NOCT: variants seen among roughly 807,000 people sequenced by gnomAD.
The protein encoded by NOCT is nocturnin, also known as CCR4 carbon catabolite repression 4-like.
Under a neutral mutation model 35.0 loss-of-function variants are expected in NOCT, and 18 were observed. The ratio of observed to expected loss-of-function variants is 0.51; its 90% CI spans 0.36 to 0.76. NOCT has a LOEUF of 0.76. Among genes scored for constraint, NOCT ranks in the 30% least tolerant of loss-of-function variants. The probability of loss-of-function intolerance (pLI) is 0.01; values close to 1 mark genes in which losing one functional copy is unlikely to be tolerated. For missense variants in NOCT, 479 were observed against 541.0 expected, an observed-to-expected ratio of 0.89 and a Z score of 1.14; for synonymous variants, 235 against 226.3, an observed-to-expected ratio of 1.04 and a Z score of -0.34.
Position 139,016,074 on chromosome 4 carries a change from G to A in NOCT, c.93G>A (p.Pro31=). ...TGCCCGCCCCAGGGCTGCGCCGCCC[G>A]TTGTCCCCGCCGGCTGCTGTTCCCA... ...RRLPAPGLRR[P]LSPPAAVPRP... Residue 31 remains proline, a synonymous_variant, in exon 1 of 3, where the codon CCG becomes CCA. Transcript: ENST00000280614. 5 of 1,389,404 alleles carry A rather than the reference G, an allele frequency of 3.6e-6. No individual in the cohort carries two copies. Among genetic ancestry groups the A allele is most frequent in the South Asian group, 3.2e-5 (2 of 62,870 alleles). The allele number at this position is 1,389,404 out of a possible 1,614,324, so 86.1% of individuals were successfully genotyped here.
At chr4:139,042,584 G>A (rs537554259) in intron 1 of NOCT, among the ~76,000 whole-genome samples, 1 of 152,146 alleles carries the variant, frequency 6.6e-6, no homozygotes, top group African/African-American at 2.4e-5. Flanking sequence ...CTAGTAGAAA[G>A]CTGGAACCTG....
intron 1 of NOCT, among the ~76,000 whole-genome samples, chr4:139,026,275 G>A (rs1449663937): frequency 6.6e-6 from 1 of 151,832 alleles, no homozygotes; most frequent in African/African-American, 2.4e-5. Flanking sequence ...CTAATTTTGT[G>A]TTTTTGGTAG....
chr4:139,032,894 A>G (rs1031382186), intron 1 of NOCT, among the ~76,000 whole-genome samples: 1 of 152,194 alleles, frequency 6.6e-6, no homozygotes, highest in Non-Finnish European at 1.5e-5. Context: ...TTGATACTCG[A>G]AAATTAAAAA....
chr4:139,035,284 G>C (rs1726710752), intron 1 of NOCT, among the ~76,000 whole-genome samples: 1 of 152,026 alleles, frequency 6.6e-6, no homozygotes, highest in Non-Finnish European at 1.5e-5. Flanking sequence ...CACTACACCT[G>C]GTTAATTTGT....
chr4:139,030,158 C>T (rs905943073), intron 1 of NOCT, among the ~76,000 whole-genome samples: 2 of 152,146 alleles, frequency 1.3e-5, no homozygotes, highest in African/African-American at 4.8e-5. Context: ...AGACTACAGG[C>T]GTGAGCCACC....
chr4:139,032,692 T>G (rs1309108436), intron 1 of NOCT, among the ~76,000 whole-genome samples: 3 of 152,160 alleles, frequency 2.0e-5, no homozygotes, highest in Non-Finnish European at 2.9e-5. Context: ...GTATCTTAAT[T>G]GCCACATGGG....
At chr4:139,019,898 T>C (rs1049857700) in intron 1 of NOCT, among the ~76,000 whole-genome samples, 3 of 152,248 alleles carry the variant, frequency 2.0e-5, no homozygotes, top group African/African-American at 7.2e-5. Flanking sequence ...GCTGAACTAC[T>C]GTTCTCTACC....
intron 1 of NOCT, among the ~76,000 whole-genome samples, chr4:139,026,082 C>T (rs1359556227): frequency 6.6e-6 from 1 of 152,028 alleles, no homozygotes; most frequent in Non-Finnish European, 1.5e-5. Context: ...TAGCTGCCTT[C>T]CAAATGGACT....
At chr4:139,018,573 G>A (rs1297936196) in intron 1 of NOCT, among the ~76,000 whole-genome samples, 1 of 152,228 alleles carries the variant, frequency 6.6e-6, no homozygotes, top group East Asian at 1.9e-4. Context: ...AGCTTCAGCA[G>A]CTTGTTGGAA....
intron 1 of NOCT, among the ~76,000 whole-genome samples, chr4:139,035,861 C>T (rs1478913797): frequency 6.6e-6 from 1 of 152,068 alleles, no homozygotes; most frequent in Admixed American, 6.6e-5. Context: ...AAGCTTGCCA[C>T]GCATGTTCCT....
chr4:139,021,570 T>C (rs1282670468), intron 1 of NOCT, among the ~76,000 whole-genome samples: 1 of 151,934 alleles, frequency 6.6e-6, no homozygotes, highest in Admixed American at 6.6e-5. Flanking sequence ...GAGAGGAAAC[T>C]TGAGACTGAG....
intron 1 of NOCT, among the ~76,000 whole-genome samples, chr4:139,018,816 G>T (rs538223197): frequency 6.6e-6 from 1 of 152,330 alleles, no homozygotes; most frequent in Admixed American, 6.5e-5. Flanking sequence ...GTGCAGGAAA[G>T]CAGGAAGTCC....
At chr4:139,034,584 TGG>T (rs1234943435) in intron 1 of NOCT, among the ~76,000 whole-genome samples, 1 of 152,088 alleles carries the variant, frequency 6.6e-6, no homozygotes, top group Non-Finnish European at 1.5e-5. Context: ...GTTGTGGTGG[TGG>T]TGGTGAAAGG....
At chr4:139,037,180 G>C (rs552500617) in intron 1 of NOCT, among the ~76,000 whole-genome samples, 1 of 152,296 alleles carries the variant, frequency 6.6e-6, no homozygotes, top group Admixed American at 6.5e-5. Context: ...ACAGAGACAA[G>C]ACTATAGTAA....
intron 1 of NOCT, among the ~76,000 whole-genome samples, chr4:139,021,422 C>T (rs541739584): frequency 5.3e-5 from 8 of 152,144 alleles, no homozygotes; most frequent in African/African-American, 1.9e-4. Context: ...AGTTCGAGAC[C>T]AGCCTGACCA....
Position 139,045,809 on chromosome 4 carries a change from C to G in NOCT, c.*335C>G, listed in dbSNP as rs1434415968. 1 of 176,522 alleles carries G rather than the reference C, an allele frequency of 5.7e-6. No individual in the cohort carries two copies. Among genetic ancestry groups the G allele is most frequent in the Non-Finnish European group, 1.2e-5 (1 of 84,264 alleles). The allele number at this position is 176,522 out of a possible 1,614,324, so 10.9% of individuals were successfully genotyped here. On this transcript the variant is annotated 3_prime_UTR_variant, in exon 3 of 3. Transcript: ENST00000280614. ...GGAAACAAATAGGATAAGACAATGCCAGAGGAAGGATAGAAACATGGGAAG... is the reference window on the plus strand; with the variant it reads ...GGAAACAAATAGGATAAGACAATGCGAGAGGAAGGATAGAAACATGGGAAG...
intron 1 of NOCT, among the ~76,000 whole-genome samples, chr4:139,042,273 TG>T (rs1726846661): frequency 6.6e-6 from 1 of 151,878 alleles, no homozygotes; most frequent in Admixed American, 6.6e-5. Context: ...TTCTCCATGT[TG>T]GCCAGGCTGG....
intron 1 of NOCT, among the ~76,000 whole-genome samples, chr4:139,040,042 CTTTTT>C (rs35176403): frequency 1.7e-5 from 2 of 119,602 alleles, no homozygotes; most frequent in Non-Finnish European, 3.5e-5. Context: ...GTATCATTTT[CTTTTT>C]TTTTTTTTTT....
intron 1 of NOCT, among the ~76,000 whole-genome samples, chr4:139,026,731 A>G (rs1578626809): frequency 6.7e-6 from 1 of 149,886 alleles, no homozygotes; most frequent in East Asian, 2.0e-4. Context: ...TTGTATTTTT[A>G]GTAGAGATGG....
Sources: allele counts gnomAD v4.1 joint callset (sites outside exome capture counted in the v4.1 genomes callset), GRCh38; gene constraint gnomAD v4.1.1; transcripts MANE v1.5; gene names NCBI Gene and HGNC (gene_info 2026-07-23, HGNC 2026-07-21).